ANK3: variants seen among roughly 807,000 people sequenced by gnomAD.
The protein encoded by ANK3 is ankyrin-3.
In ANK3, 57 loss-of-function variants were observed where a neutral mutation model predicts 370.9. That is an observed-to-expected ratio of 0.15 (90% confidence interval 0.12 to 0.19). The LOEUF (loss-of-function observed/expected upper bound fraction) is 0.19. ANK3 is among the 10% of genes least tolerant of loss of function. ANK3 has a pLI of 1.00. For missense variants in ANK3, 4,439 were observed against 5,302.1 expected, an observed-to-expected ratio of 0.84 and a Z score of 5.06; for synonymous variants, 1,929 against 1,946.3, an observed-to-expected ratio of 0.99 and a Z score of 0.23.
At chr10:60,184,915 C>A (rs1159573116) in intron 17 of ANK3, among the ~76,000 whole-genome samples, 1 of 152,130 alleles carries the variant, frequency 6.6e-6, no homozygotes, top group Non-Finnish European at 1.5e-5. Context: ...AGAAAATACA[C>A]TCTGATACCA....
chr10:60,117,299 C>T (rs929220581), intron 25 of ANK3, among the ~76,000 whole-genome samples: 1 of 152,012 alleles, frequency 6.6e-6, no homozygotes, highest in African/African-American at 2.4e-5. Context: ...GAAGGAAGAC[C>T]CAAGAGCACA....
chr10:60,503,081 C>G (rs558465294), intron 2 of ANK3, among the ~76,000 whole-genome samples: 1 of 152,214 alleles, frequency 6.6e-6, no homozygotes, highest in Non-Finnish European at 1.5e-5. Flanking sequence ...TCCATTTATA[C>G]TCTCATACAT....
intron 1 of ANK3, among the ~76,000 whole-genome samples, chr10:60,336,510 AC>A (rs1315141103): frequency 6.6e-6 from 1 of 152,172 alleles, no homozygotes; most frequent in African/African-American, 2.4e-5. Flanking sequence ...ACAGAAAAGC[AC>A]AATGCCAAAA....
At chr10:60,051,276 AGAATACCATGCAAC>A (rs1352509751) in intron 42 of ANK3, among the ~76,000 whole-genome samples, 3 of 152,210 alleles carry the variant, frequency 2.0e-5, no homozygotes, top group African/African-American at 7.2e-5. Flanking sequence ...AGGCCTATAC[AGAATACCATGCAAC>A]ATGGCTTCTT....
intron 1 of ANK3, among the ~76,000 whole-genome samples, chr10:60,363,632 G>A (rs551745824): frequency 6.6e-6 from 1 of 152,302 alleles, no homozygotes; most frequent in Non-Finnish European, 1.5e-5. Flanking sequence ...AAGGGCATAT[G>A]AGTATGTTTT....
At chr10:60,351,014 C>A (rs1205054444) in intron 1 of ANK3, among the ~76,000 whole-genome samples, 1 of 142,576 alleles carries the variant, frequency 7.0e-6, no homozygotes, top group East Asian at 2.1e-4. Flanking sequence ...CAATACCATT[C>A]AGGGGGCATA....
At chr10:60,659,549 T>G (rs1370103670) in intron 1 of ANK3, among the ~76,000 whole-genome samples, 1 of 152,108 alleles carries the variant, frequency 6.6e-6, no homozygotes, top group Non-Finnish European at 1.5e-5. Context: ...TTGTACAACT[T>G]TAAAACTCAA....
intron 1 of ANK3, among the ~76,000 whole-genome samples, chr10:60,665,954 T>C (rs763125861): frequency 7.2e-5 from 11 of 152,236 alleles, no homozygotes; most frequent in Non-Finnish European, 1.5e-4. Flanking sequence ...ATGTATGTGC[T>C]ATTGGTCGAA....
intron 2 of ANK3, among the ~76,000 whole-genome samples, chr10:60,510,603 C>G (rs754445573): frequency 1.6e-4 from 24 of 152,034 alleles, no homozygotes; most frequent in Middle Eastern, 3.2e-3. Context: ...CACTTGAGGT[C>G]AAGAGTTTGA....
intron 2 of ANK3, among the ~76,000 whole-genome samples, chr10:60,596,599 C>T (rs1045647335): frequency 6.6e-6 from 1 of 152,086 alleles, no homozygotes; most frequent in Non-Finnish European, 1.5e-5. Context: ...CCACTGGATA[C>T]TTTAATGGTC....
chr10:60,480,769 T>C (rs531186056), intron 2 of ANK3, among the ~76,000 whole-genome samples: 4 of 152,334 alleles, frequency 2.6e-5, no homozygotes, highest in South Asian at 4.1e-4. Context: ...AACTTGATGA[T>C]ACTTGCCAAA....
chr10:60,182,738 G>GA (rs1188942438), intron 17 of ANK3, among the ~76,000 whole-genome samples: 1 of 152,192 alleles, frequency 6.6e-6, no homozygotes, highest in Admixed American at 6.5e-5. Flanking sequence ...GGAATGCAGA[G>GA]AGAGTCAAGC....
At chr10:60,301,958 G>GCTCA (rs1302278544) in intron 1 of ANK3, among the ~76,000 whole-genome samples, 1 of 152,052 alleles carries the variant, frequency 6.6e-6, no homozygotes, top group East Asian at 1.9e-4. Context: ...ACCATGGTAG[G>GCTCA]CTCAATTAAG....
Position 60,186,763 on chromosome 10 carries a change from C to T in ANK3, c.2037G>A (p.Met679Ile). The stretch of plus-strand genomic sequence containing the variant: ...CATTTCTACCGAGGAGCAGCGACAC[C>T]ATGTCCACGTGCCCTTCCTGAGCTG... The part of the protein sequence containing the change: ...HLAAQEGHVD[M>I]VSLLLGRNAN... The change falls in exon 17 of 44, where the codon ATG becomes ATA. Residue 679 changes from methionine to isoleucine, a missense_variant. Met to Ile is a conservative substitution (Grantham distance 10). This residue lies in a region of ANK3 where 192 missense variants were observed against 192.1 expected (regional missense o/e 1.00). Coordinates refer to ENST00000280772, the MANE Select transcript of ANK3 (RefSeq NM_020987.5). 6.2e-7 allele frequency: 1 copy of T among 1,614,120 alleles called. No individual in the cohort carries two copies. The highest frequency in any genetic ancestry group is 1.3e-5 in the African/African-American group (1 of 75,032).
At chr10:60,244,557 AAATTG>A (rs2097524718) in intron 7 of ANK3, among the ~76,000 whole-genome samples, 1 of 152,238 alleles carries the variant, frequency 6.6e-6, no homozygotes. Flanking sequence ...GTGGCATAAC[AAATTG>A]AAGATCCAGA....
chr10:60,428,986 T>C (rs1183141751), intron 2 of ANK3, among the ~76,000 whole-genome samples: 1 of 151,826 alleles, frequency 6.6e-6, no homozygotes, highest in Admixed American at 6.6e-5. Flanking sequence ...TATGTGTTAT[T>C]GGATAATATA....
intron 1 of ANK3, among the ~76,000 whole-genome samples, chr10:60,358,590 A>G (rs1187865593): frequency 1.3e-5 from 2 of 152,250 alleles, no homozygotes; most frequent in Non-Finnish European, 2.9e-5. Flanking sequence ...CAATACACTC[A>G]CAGATGGCTG....
intron 2 of ANK3, among the ~76,000 whole-genome samples, chr10:60,403,724 T>C (rs1474831888): frequency 6.6e-6 from 1 of 152,186 alleles, no homozygotes; most frequent in Non-Finnish European, 1.5e-5. Context: ...TTACTATTTC[T>C]ATTCAACATT....
intron 2 of ANK3, among the ~76,000 whole-genome samples, chr10:60,572,283 G>A (rs1282673872): frequency 6.6e-6 from 1 of 152,126 alleles, no homozygotes; most frequent in Non-Finnish European, 1.5e-5. Context: ...GTGTATCCGA[G>A]TTGTGATGAT....
Sources: gnomAD v4.1 joint callset for allele counts (sites outside exome capture counted in the v4.1 genomes callset) on GRCh38, gnomAD v4.1.1 for gene constraint, gnomAD v4.1.1 regional missense constraint, MANE v1.5 for transcripts, NCBI Gene and HGNC (gene_info 2026-07-23, HGNC 2026-07-21) for gene names.